PSMG2: variants seen among roughly 807,000 people sequenced by gnomAD.
The protein encoded by PSMG2 is CD40 ligand-activated specific transcript 3.
Under a neutral mutation model 31.5 loss-of-function variants are expected in PSMG2, and 21 were observed. The ratio of observed to expected loss-of-function variants is 0.67; its 90% CI spans 0.47 to 0.96. The LOEUF (loss-of-function observed/expected upper bound fraction) is 0.96. PSMG2 is among the 40% of genes least tolerant of loss of function. PSMG2 has a pLI of 0.00. For missense variants in PSMG2, 318 were observed against 321.2 expected, an observed-to-expected ratio of 0.99 and a Z score of 0.08; for synonymous variants, 120 against 110.4, an observed-to-expected ratio of 1.09 and a Z score of -0.54.
intron 1 of PSMG2, among the ~76,000 whole-genome samples, chr18:12,676,619 C>T (rs1291703861): frequency 6.6e-6 from 1 of 151,860 alleles, no homozygotes; most frequent in African/African-American, 2.4e-5. Flanking sequence ...TAAGCAGAAC[C>T]TAAGAAAAGA....
At chr18:12,659,631 C>G (rs1029755281) in intron 1 of PSMG2, among the ~76,000 whole-genome samples, 19 of 152,240 alleles carry the variant, frequency 1.2e-4, no homozygotes, top group African/African-American at 4.6e-4. Context: ...GATCACACCA[C>G]TGCACTCCAG....
At chr18:12,702,532 T>G (rs747446686), upstream of PSMG2, 6 of 1,607,984 alleles carry the variant, frequency 3.7e-6, no homozygotes, top group Non-Finnish European at 5.1e-6. Context: ...GGAGGCTTTC[T>G]CCGGAGGCAG....
chr18:12,683,386 C>T (rs2039421322), intron 1 of PSMG2, among the ~76,000 whole-genome samples: 1 of 150,384 alleles, frequency 6.6e-6, no homozygotes, highest in Non-Finnish European at 1.5e-5. Flanking sequence ...ACAACAAAAC[C>T]ACTGAATAAA....
intron 2 of PSMG2, among the ~76,000 whole-genome samples, chr18:12,709,166 C>T (rs2040302529): frequency 6.6e-6 from 1 of 152,182 alleles, no homozygotes; most frequent in South Asian, 2.1e-4. Flanking sequence ...CTGCCTCAGC[C>T]TCCTGAGTAG....
chr18:12,671,246 A>G (rs921236674), intron 1 of PSMG2: 1 of 152,186 alleles, frequency 6.6e-6, no homozygotes, highest in African/African-American at 2.4e-5. Flanking sequence ...ACCTGGCCCA[A>G]AAAGTAAATT....
chr18:12,674,721 C>T, intron 1 of PSMG2: 1 of 1,613,960 alleles, frequency 6.2e-7, no homozygotes, highest in Non-Finnish European at 8.5e-7. Context: ...GGTAGGAGAG[C>T]TGGTCTTCCC....
chr18:12,722,422 C>T (rs576572917), intron 5 of PSMG2, among the ~76,000 whole-genome samples: 3 of 152,070 alleles, frequency 2.0e-5, no homozygotes, highest in East Asian at 3.9e-4. Context: ...ACAGGGAGGC[C>T]GAGGCAACTG....
intron 1 of PSMG2, among the ~76,000 whole-genome samples, chr18:12,683,853 A>G (rs1293949946): frequency 2.0e-5 from 3 of 152,068 alleles, no homozygotes; most frequent in African/African-American, 7.2e-5. Context: ...TTTATTTACA[A>G]TTATAATTAT....
chr18:12,699,879 G>A, upstream of PSMG2: 4 of 1,596,602 alleles, frequency 2.5e-6, no homozygotes, highest in Non-Finnish European at 3.4e-6. Context: ...GTTTTGGAGA[G>A]GAAGGGAGTT....
intron 1 of PSMG2, chr18:12,686,255 A>G (rs1240084098): frequency 6.2e-7 from 1 of 1,608,752 alleles, no homozygotes. Flanking sequence ...TTATGTGTGT[A>G]TAATACCTTG....
At chr18:12,665,050 T>A (rs1353901843) in intron 1 of PSMG2, 3 of 152,160 alleles carry the variant, frequency 2.0e-5, no homozygotes, top group Admixed American at 2.0e-4. Context: ...GGTTTTTTTT[T>A]TCCCTGATGT....
upstream of PSMG2, among the ~76,000 whole-genome samples, chr18:12,698,198 GAA>G (rs1425829408): frequency 4.9e-4 from 74 of 151,372 alleles, no homozygotes; most frequent in African/African-American, 1.7e-3. Context: ...AAATTTATTA[GAA>G]GTTTTTATAA....
intron 2 of PSMG2, among the ~76,000 whole-genome samples, chr18:12,709,351 G>C (rs2145136694): frequency 6.9e-6 from 1 of 144,192 alleles, no homozygotes. Context: ...ATTTGAGATG[G>C]AGTCTCACTC....
At chr18:12,683,246 G>A (rs1377115797) in intron 1 of PSMG2, among the ~76,000 whole-genome samples, 2 of 148,616 alleles carry the variant, frequency 1.3e-5, no homozygotes, top group Non-Finnish European at 3.0e-5. Context: ...CAGCTACTCA[G>A]GAGGCTGAGG....
chr18:12,681,770 T>A (rs752939737), intron 1 of PSMG2, among the ~76,000 whole-genome samples: 1 of 152,180 alleles, frequency 6.6e-6, no homozygotes, highest in Non-Finnish European at 1.5e-5. Context: ...AATTTTCCAC[T>A]CTTTTTCCAG....
chr18:12,659,723 T>C (rs1250140774), intron 1 of PSMG2, among the ~76,000 whole-genome samples: 2 of 152,092 alleles, frequency 1.3e-5, no homozygotes, highest in Non-Finnish European at 2.9e-5. Flanking sequence ...AGGCAACTTA[T>C]TATAATTTCA....
chr18:12,698,809 A>G (rs1406612136), upstream of PSMG2: 1 of 596,212 alleles, frequency 1.7e-6, no homozygotes, highest in Non-Finnish European at 3.0e-6. Flanking sequence ...TAGCAAACAG[A>G]ATATTGCAAG....
At chr18:12,679,494 T>G (rs979823802) in intron 1 of PSMG2, among the ~76,000 whole-genome samples, 48 of 152,326 alleles carry the variant, frequency 3.2e-4, no homozygotes, top group African/African-American at 1.1e-3. Context: ...TTTTCCTTTT[T>G]GTTCAATAAA....
intron 2 of PSMG2, among the ~76,000 whole-genome samples, chr18:12,709,998 G>A (rs1030290312): frequency 3.5e-5 from 5 of 144,234 alleles, no homozygotes; most frequent in African/African-American, 7.8e-5. Context: ...TCTGGAGTGC[G>A]GTGGCACGAT....
Sources: gnomAD v4.1 joint callset for allele counts (sites outside exome capture counted in the v4.1 genomes callset) on GRCh38, gnomAD v4.1.1 for gene constraint, MANE v1.5 for transcripts, NCBI Gene and HGNC (gene_info 2026-07-23, HGNC 2026-07-21) for gene names.